The following FARP1 variants were observed in gnomAD, a reference collection of about 807,000 sequenced individuals.
FARP1 encodes the protein FERM, ARHGEF and pleckstrin domain-containing protein 1.
In FARP1, 52 loss-of-function variants were observed where a neutral mutation model predicts 128.8. The ratio of observed to expected loss-of-function variants is 0.40; its 90% CI spans 0.32 to 0.51. FARP1 has a LOEUF of 0.51. Among genes scored for constraint, FARP1 ranks in the 20% least tolerant of loss-of-function variants. FARP1 has a pLI of 0.45. For synonymous variants in FARP1, 580 were observed against 551.8 expected (o/e 1.05, Z -0.72); for missense variants, 1,333 against 1,367.9 (o/e 0.97, Z 0.40).
intron 1 of FARP1, chr13:98,178,047 A>C (rs929857518): frequency 6.6e-6 from 1 of 152,160 alleles, no homozygotes; most frequent in Admixed American, 6.5e-5. Flanking sequence ...GTGGGTGTGT[A>C]GCTGGCTTTC....
chr13:98,246,628 G>C (rs1227667018), intron 2 of FARP1, among the ~76,000 whole-genome samples: 1 of 151,978 alleles, frequency 6.6e-6, no homozygotes, highest in Non-Finnish European at 1.5e-5. Context: ...CTCCTCTGGG[G>C]ATAATCTAAA....
chr13:98,269,157 C>A (rs1884274713), intron 2 of FARP1, among the ~76,000 whole-genome samples: 1 of 152,072 alleles, frequency 6.6e-6, no homozygotes, highest in African/African-American at 2.4e-5. Flanking sequence ...AATGAACTGC[C>A]CTGACCCTTG....
At chr13:98,374,748 C>G (rs894110443) in intron 5 of FARP1, among the ~76,000 whole-genome samples, 1 of 152,150 alleles carries the variant, frequency 6.6e-6, no homozygotes, top group Non-Finnish European at 1.5e-5. Flanking sequence ...GTTTATTTTG[C>G]TCATGATTCT....
intron 12 of FARP1, among the ~76,000 whole-genome samples, chr13:98,394,970 G>A (rs1566949786): frequency 6.6e-6 from 1 of 152,110 alleles, no homozygotes; most frequent in Non-Finnish European, 1.5e-5. Context: ...ATGAGTCGGC[G>A]GGTCCTGGAA....
chr13:98,148,317 G>A (rs1385546628), intron 1 of FARP1, among the ~76,000 whole-genome samples: 3 of 152,210 alleles, frequency 2.0e-5, no homozygotes, highest in African/African-American at 7.2e-5. Flanking sequence ...GGCGGAGGTT[G>A]TGGTGAGCTG....
At chr13:98,288,619 T>C (rs1256404436) in intron 2 of FARP1, among the ~76,000 whole-genome samples, 1 of 152,212 alleles carries the variant, frequency 6.6e-6, no homozygotes, top group African/African-American at 2.4e-5. Context: ...AGAAATGCGG[T>C]TTTCTGTCAT....
chr13:98,266,124 G>A (rs1229997787), intron 2 of FARP1, among the ~76,000 whole-genome samples: 1 of 152,058 alleles, frequency 6.6e-6, no homozygotes, highest in African/African-American at 2.4e-5. Context: ...ATGAATGAAT[G>A]CCATTTGCAC....
chr13:98,275,051 A>C (rs16955186), intron 2 of FARP1, among the ~76,000 whole-genome samples: 50,111 of 152,036 alleles, frequency 0.33, 8,564 homozygotes, highest in South Asian at 0.49. Context: ...TCAGTGAATT[A>C]TCTTGTGATA....
intron 26 of FARP1, 98 bp downstream of exon 26, chr13:98,446,915 C>T: frequency 2.3e-6 from 3 of 1,303,470 alleles, no homozygotes; most frequent in South Asian, 2.6e-5. Context: ...ATGGCCCCAC[C>T]CTTCCCTGCC....
intron 12 of FARP1, among the ~76,000 whole-genome samples, chr13:98,394,779 ATTT>A (rs1281010943): frequency 6.6e-6 from 1 of 151,754 alleles, no homozygotes; most frequent in Non-Finnish European, 1.5e-5. Flanking sequence ...TACAAAAAAA[ATTT>A]TTTTAATTAG....
intron 2 of FARP1, among the ~76,000 whole-genome samples, chr13:98,322,541 TGTCAGTGCTCCTTAGCC>T (rs71709230): frequency 0.25 from 38,558 of 151,536 alleles, 5,162 homozygotes; most frequent in Middle Eastern, 0.33. Context: ...CCCTCTCACT[TGTCAGTGCTCCTTAGCC>T]GTCAGTGCTC....
At position 98,379,023 on chromosome 13, in the gene FARP1, AAT is replaced by A. The variant is rs1236664051; in HGVS notation, c.496+1113_496+1114del. 2.4e-4 allele frequency among the ~76,000 whole-genome samples: 18 copies of A among 75,714 alleles called. 1 individual carries two copies. The highest frequency in any genetic ancestry group is 8.0e-4 in the Admixed American group (5 of 6,228). The allele number at this position is 75,714 out of a possible 152,430, so 49.7% of individuals were successfully genotyped here. A position where few individuals can be genotyped will look rare whatever the true frequency, so the allele number is the denominator to read the frequency against. The stretch of plus-strand genomic sequence containing the variant: ...TATATACAATATATAATCTATATAT[AAT>A]ATATATAATATATACAATATGTAAT... On this transcript the variant is annotated intron_variant, in intron 6 of 26. Coordinates refer to ENST00000319562, the MANE Select transcript of FARP1 (RefSeq NM_005766.4).
intron 1 of FARP1, among the ~76,000 whole-genome samples, chr13:98,165,997 G>C (rs775215710): frequency 2.6e-5 from 4 of 152,052 alleles, no homozygotes; most frequent in Non-Finnish European, 5.9e-5. Flanking sequence ...TGGGATTACA[G>C]GTGTGAGCCA....
At chr13:98,392,383 C>A (rs1365009713) in intron 11 of FARP1, among the ~76,000 whole-genome samples, 2 of 150,622 alleles carry the variant, frequency 1.3e-5, no homozygotes, top group African/African-American at 4.9e-5. Context: ...GCCTGTGGTC[C>A]CAGCTACTTG....
In FARP1 at chr13:98,419,773, G is replaced by T. The variant is rs189852729; in HGVS notation, c.1827-4799G>T. Among the ~76,000 whole-genome samples, 403 of 152,226 alleles carry T rather than the reference G, an allele frequency of 2.6e-3. 2 individuals are homozygous for T. The highest frequency in any genetic ancestry group is 9.4e-3 in the African/African-American group (391 of 41,540). ...GCTTCAAAAAAAGATCTATTTTCGG[G>T]GTGGAGCAAGCATCTAGAGATAGAG... On this transcript the variant is annotated intron_variant, in intron 16 of 26. Transcript: ENST00000319562.
intron 3 of FARP1, among the ~76,000 whole-genome samples, chr13:98,356,776 A>G (rs1356720496): frequency 6.6e-6 from 1 of 151,848 alleles, no homozygotes; most frequent in African/African-American, 2.4e-5. Context: ...CTGGGACTAT[A>G]GGTGCCCGCC....
At chr13:98,411,258 G>C (rs1349185266) in intron 15 of FARP1, among the ~76,000 whole-genome samples, 4 of 152,142 alleles carry the variant, frequency 2.6e-5, no homozygotes, top group Admixed American at 2.0e-4. Context: ...ATTTTAATCA[G>C]TCCTGCTCAG....
intron 13 of FARP1, chr13:98,402,984 T>C (rs751606081): frequency 1.3e-5 from 2 of 152,246 alleles, no homozygotes; most frequent in South Asian, 4.1e-4. Context: ...CTTGTCAGCA[T>C]GTACCTATCT....
rs543493497 is a variant in FARP1, at chr13:98,439,498, C to T, written c.2433+302C>T. 2.0e-5 allele frequency among the ~76,000 whole-genome samples: 3 copies of T among 152,250 alleles called. No individual in the cohort carries two copies. In the East Asian group the frequency reaches 5.8e-4, roughly 30 times the overall value. On this transcript the variant is annotated intron_variant, in intron 21 of 26. Coordinates refer to ENST00000319562, the MANE Select transcript of FARP1 (RefSeq NM_005766.4). ...GTGAAAGGGTAAGCTGACAAGGCCG[C>T]GTGGCATGAACTCGCCTCCCACAGC...
Sources: gnomAD v4.1 joint callset for allele counts (sites outside exome capture counted in the v4.1 genomes callset) on GRCh38, gnomAD v4.1.1 for gene constraint, MANE v1.5 for transcripts, NCBI Gene and HGNC (gene_info 2026-07-23, HGNC 2026-07-21) for gene names.